Variants in KIFAP3 observed in about 807,000 individuals in gnomAD.
The protein encoded by KIFAP3 is kinesin-associated protein 3.
KIFAP3 carries 68 observed loss-of-function variants against 106.5 expected under a neutral mutation model. The observed-to-expected ratio is 0.64, with a 90% CI of 0.53 to 0.78. The LOEUF (loss-of-function observed/expected upper bound fraction) is 0.78, where lower values mean the gene tolerates loss of function less well. KIFAP3 is among the 30% of genes least tolerant of loss of function. The probability of loss-of-function intolerance (pLI) is 0.00; values close to 1 mark genes in which losing one functional copy is unlikely to be tolerated. For synonymous variants in KIFAP3, 320 were observed against 311.5 expected, an observed-to-expected ratio of 1.03 and a Z score of -0.29; for missense variants, 780 against 941.8, an observed-to-expected ratio of 0.83 and a Z score of 2.25.
At chr1:169,965,586 A>T (rs1005513780) in intron 17 of KIFAP3, among the ~76,000 whole-genome samples, 4 of 152,010 alleles carry the variant, frequency 2.6e-5, no homozygotes, top group Admixed American at 2.0e-4. Context: ...ACAAACAAAA[A>T]TCCTGCTTAC....
chr1:169,957,512 GTTTTAAAAAACTGGCTTATAAACA>G (rs1665085772), intron 18 of KIFAP3, among the ~76,000 whole-genome samples: 1 of 151,840 alleles, frequency 6.6e-6, no homozygotes, highest in Non-Finnish European at 1.5e-5. Flanking sequence ...CTGAAAGCCA[GTTTTAAAAAACTGGCTTATAAACA>G]TTGTGAATTA....
At chr1:169,991,006 T>C (rs1371249764) in intron 11 of KIFAP3, among the ~76,000 whole-genome samples, 5 of 152,008 alleles carry the variant, frequency 3.3e-5, no homozygotes, top group Non-Finnish European at 7.4e-5. Flanking sequence ...TATACATTGA[T>C]CTTATTTGTT....
chr1:170,078,418 G>A (rs1671962358), upstream of KIFAP3, among the ~76,000 whole-genome samples: 1 of 151,930 alleles, frequency 6.6e-6, no homozygotes, highest in African/African-American at 2.4e-5. Context: ...GATAAACTGA[G>A]CACAGAGATA....
intron 1 of KIFAP3, among the ~76,000 whole-genome samples, chr1:170,065,730 T>G (rs565234737): frequency 2.6e-5 from 4 of 151,866 alleles, no homozygotes; most frequent in African/African-American, 9.7e-5. Flanking sequence ...CTATTTAAAA[T>G]TAAATTTAAA....
chr1:169,978,255 T>G, intron 15 of KIFAP3, 72 bp from the exon 16 acceptor site: 1 of 971,430 alleles, frequency 1.0e-6, no homozygotes, highest in Non-Finnish European at 1.6e-6. Context: ...TTGAGGGGAA[T>G]AATATAGAAC....
At chr1:169,926,074 C>G (rs534586748) in intron 19 of KIFAP3, among the ~76,000 whole-genome samples, 57 of 152,296 alleles carry the variant, frequency 3.7e-4, no homozygotes, top group African/African-American at 1.3e-3. Context: ...ATATTGGCTA[C>G]ACTTTTATTC....
intron 11 of KIFAP3, among the ~76,000 whole-genome samples, chr1:169,991,037 A>G (rs1259314517): frequency 6.6e-6 from 1 of 152,102 alleles, no homozygotes; most frequent in African/African-American, 2.4e-5. Context: ...ATATTAACAA[A>G]TCAGTTAAAA....
At chr1:169,960,988 G>A (rs768373339) in intron 18 of KIFAP3, 58 bp downstream of exon 18, 105 of 1,376,588 alleles carry the variant, frequency 7.6e-5, no homozygotes, top group Non-Finnish European at 8.3e-5. Flanking sequence ...AAGGCTGGCC[G>A]ACTAAAATCT....
At position 169,972,603 on chromosome 1, in the gene KIFAP3, A is replaced by C; in HGVS notation, c.1898-5T>G. ...CTATGAGATATGCTGGAGCCTCTGA[A>C]TAAAAATGGTTAAAGAAACAAACTA... On this transcript the variant is annotated splice_polypyrimidine_tract_variant and splice_region_variant and intron_variant, in intron 16 of 19. Transcript: ENST00000361580. 6.7e-7 allele frequency: 1 copy of C among 1,494,472 alleles called. No homozygotes were observed. The highest frequency in any genetic ancestry group is 1.2e-5 in the South Asian group (1 of 84,182). The allele number at this position is 1,494,472 out of a possible 1,614,324, so 92.6% of individuals were successfully genotyped here. A position where few individuals can be genotyped will look rare whatever the true frequency, so the allele number is the denominator to read the frequency against.
intron 19 of KIFAP3, among the ~76,000 whole-genome samples, chr1:169,941,413 G>T (rs1450151200): frequency 2.6e-5 from 4 of 152,084 alleles, no homozygotes; most frequent in African/African-American, 9.7e-5. Flanking sequence ...AGTCTTCTGA[G>T]TTCTCAATAC....
chr1:170,005,805 T>C (rs977278109), intron 10 of KIFAP3, among the ~76,000 whole-genome samples: 1 of 151,062 alleles, frequency 6.6e-6, no homozygotes, highest in Non-Finnish European at 1.5e-5. Context: ...CATGTATACA[T>C]ATGTAACAAA....
At chr1:170,080,403 T>C (rs12142959) in intron 1 of KIFAP3, among the ~76,000 whole-genome samples, 9,609 of 152,138 alleles carry the variant, frequency 0.063, 383 homozygotes, top group Non-Finnish European at 0.095. Context: ...TTTTTACAAA[T>C]TGACAGGTTG....
At chr1:169,957,058 A>C (rs1436145933) in intron 18 of KIFAP3, among the ~76,000 whole-genome samples, 2 of 152,214 alleles carry the variant, frequency 1.3e-5, no homozygotes, top group Non-Finnish European at 2.9e-5. Flanking sequence ...CATCCCAAGC[A>C]CCTCAACTTC....
chr1:169,978,281 T>C, intron 15 of KIFAP3, 98 bp from the exon 16 acceptor site: 1 of 734,738 alleles, frequency 1.4e-6, no homozygotes, highest in South Asian at 1.7e-5. Context: ...AAACTAAAAG[T>C]GATAAGGAGA....
intron 16 of KIFAP3, among the ~76,000 whole-genome samples, chr1:169,977,811 C>T (rs74125307): frequency 0.043 from 6,518 of 152,038 alleles, 462 homozygotes; most frequent in African/African-American, 0.15. Flanking sequence ...CTGATGCTTA[C>T]AGTGTGTTAA....
intron 10 of KIFAP3, among the ~76,000 whole-genome samples, chr1:169,992,985 A>C (rs1667174686): frequency 6.6e-6 from 1 of 152,180 alleles, no homozygotes; most frequent in Non-Finnish European, 1.5e-5. Flanking sequence ...TGCCTAACTA[A>C]AAATTTTATC....
chr1:169,954,709 G>T (rs1664915643), intron 18 of KIFAP3, among the ~76,000 whole-genome samples: 1 of 151,968 alleles, frequency 6.6e-6, no homozygotes. Flanking sequence ...ATTCTTAAAA[G>T]GATATACTAT....
At chr1:170,006,331 G>GAGTAAAGAAGTGA (rs1430788019) in intron 10 of KIFAP3, among the ~76,000 whole-genome samples, 22 of 152,096 alleles carry the variant, frequency 1.4e-4, no homozygotes, top group Admixed American at 3.9e-4. Context: ...TAGGTATTAG[G>GAGTAAAGAAGTGA]AGTAAAGAAG....
At chr1:169,980,823 C>T (rs951518861) in intron 15 of KIFAP3, among the ~76,000 whole-genome samples, 3 of 152,082 alleles carry the variant, frequency 2.0e-5, no homozygotes, top group South Asian at 4.1e-4. Flanking sequence ...GTGATATAGC[C>T]GGGCACAGTG....
Sources: gnomAD v4.1 joint callset for allele counts (sites outside exome capture counted in the v4.1 genomes callset) on GRCh38, gnomAD v4.1.1 for gene constraint, MANE v1.5 for transcripts, NCBI Gene and HGNC (gene_info 2026-07-23, HGNC 2026-07-21) for gene names.